GALNT13: variants seen among roughly 807,000 people sequenced by gnomAD.
GALNT13 encodes the protein polypeptide N-acetylgalactosaminyltransferase 13, also known as UDP-GalNAc:polypeptide N-acetylgalactosaminyltransferase 13.
Under a neutral mutation model 64.2 loss-of-function variants are expected in GALNT13, and 28 were observed. The ratio of observed to expected loss-of-function variants is 0.44; its 90% CI spans 0.32 to 0.60. GALNT13 has a LOEUF of 0.60. GALNT13 is among the 20% of genes least tolerant of loss of function. The pLI, the probability that GALNT13 is intolerant of heterozygous loss-of-function variation, is 0.05. For synonymous variants in GALNT13, 214 were observed against 224.6 expected (o/e 0.95, Z 0.42); for missense variants, 577 against 669.8 (o/e 0.86, Z 1.53).
At chr2:153,457,492 C>T in the GALNT13 span, among the ~76,000 whole-genome samples, 14 of 152,074 alleles carry the variant, frequency 9.2e-5, no homozygotes, top group Non-Finnish European at 2.1e-4. Flanking sequence ...CTTCCATCTC[C>T]TCTTTTAAAA....
chr2:153,612,034 A>T, the GALNT13 span, among the ~76,000 whole-genome samples: 1 of 151,940 alleles, frequency 6.6e-6, no homozygotes. Flanking sequence ...AAGGACATGA[A>T]CTCATCCTTT....
At chr2:153,183,516 T>G in the GALNT13 span, among the ~76,000 whole-genome samples, 1 of 152,246 alleles carries the variant, frequency 6.6e-6, no homozygotes, top group East Asian at 1.9e-4. Flanking sequence ...GCAATTGCTT[T>G]TGGGATTTTC....
intron 3 of GALNT13, among the ~76,000 whole-genome samples, chr2:154,119,575 T>G (rs530713937): frequency 6.6e-6 from 1 of 151,916 alleles, no homozygotes; most frequent in African/African-American, 2.4e-5. Context: ...CTTGTTCTAG[T>G]GAAGGTGTCT....
chr2:153,330,905 C>A, the GALNT13 span, among the ~76,000 whole-genome samples: 1 of 152,096 alleles, frequency 6.6e-6, no homozygotes, highest in Non-Finnish European at 1.5e-5. Flanking sequence ...ATGATGTTGG[C>A]TGTGGGTTTG....
the GALNT13 span, among the ~76,000 whole-genome samples, chr2:153,475,547 CAA>C: frequency 6.6e-6 from 1 of 152,222 alleles, no homozygotes; most frequent in Non-Finnish European, 1.5e-5. Context: ...GCTCCTCTCT[CAA>C]CTTTCAGGAC....
chr2:153,255,124 C>G, the GALNT13 span, among the ~76,000 whole-genome samples: 3 of 151,140 alleles, frequency 2.0e-5, no homozygotes, highest in African/African-American at 4.9e-5. Context: ...GTAGGTCACT[C>G]AGGACTTGCT....
intron 1 of GALNT13, among the ~76,000 whole-genome samples, chr2:153,900,676 A>G (rs1688176894): frequency 6.6e-6 from 1 of 152,158 alleles, no homozygotes; most frequent in South Asian, 2.1e-4. Flanking sequence ...TCTTGCATAT[A>G]ATATGAAGCT....
At chr2:153,509,034 T>A in the GALNT13 span, among the ~76,000 whole-genome samples, 2 of 152,190 alleles carry the variant, frequency 1.3e-5, no homozygotes, top group African/African-American at 4.8e-5. Flanking sequence ...TTGGGGAAAT[T>A]AAACCCTTCC....
chr2:153,411,971 G>A, the GALNT13 span, among the ~76,000 whole-genome samples: 1 of 152,110 alleles, frequency 6.6e-6, no homozygotes, highest in East Asian at 1.9e-4. Context: ...AATCTGCTCG[G>A]CACCATCTAA....
chr2:153,144,449 A>G, the GALNT13 span, among the ~76,000 whole-genome samples: 1 of 151,930 alleles, frequency 6.6e-6, no homozygotes, highest in South Asian at 2.1e-4. Flanking sequence ...TGGGCTCTAA[A>G]TAATGTGTCC....
the GALNT13 span, among the ~76,000 whole-genome samples, chr2:153,566,353 T>TTTTG: frequency 0.015 from 197 of 12,742 alleles, 1 homozygote; most frequent in Non-Finnish European, 0.039. Context: ...ATCACGTTTT[T>TTTTG]TTTTTTTTTT....
chr2:154,141,658 A>C (rs1392936912), intron 4 of GALNT13, among the ~76,000 whole-genome samples: 1 of 152,166 alleles, frequency 6.6e-6, no homozygotes, highest in African/African-American at 2.4e-5. Context: ...TTACTGCATA[A>C]AAAGGTCCAT....
chr2:154,190,515 C>T (rs781664089), intron 4 of GALNT13, among the ~76,000 whole-genome samples: 2 of 152,136 alleles, frequency 1.3e-5, no homozygotes, highest in Non-Finnish European at 2.9e-5. Flanking sequence ...AATTGACATT[C>T]GGTTTAAACA....
chr2:154,188,014 T>TTCTCTC (rs10635676), intron 4 of GALNT13, among the ~76,000 whole-genome samples: 4,865 of 144,372 alleles, frequency 0.034, 157 homozygotes, highest in African/African-American at 0.087. Context: ...GCATCAGGCA[T>TTCTCTC]TCTCTCTCTC....
At chr2:153,307,049 C>A in the GALNT13 span, among the ~76,000 whole-genome samples, 1 of 152,146 alleles carries the variant, frequency 6.6e-6, no homozygotes, top group African/African-American at 2.4e-5. Context: ...GCTTTTTTCG[C>A]TTAGAAAGTC....
At chr2:154,449,480 C>CA (rs35845747) in intron 12 of GALNT13, among the ~76,000 whole-genome samples, 18,809 of 123,714 alleles carry the variant, frequency 0.15, 1,382 homozygotes, top group African/African-American at 0.2. Flanking sequence ...TGGTAATTTG[C>CA]AAAAAAAAAA....
the GALNT13 span, among the ~76,000 whole-genome samples, chr2:153,116,342 A>G: frequency 7.9e-5 from 12 of 152,154 alleles, no homozygotes; most frequent in Non-Finnish European, 1.5e-4. Flanking sequence ...TTTTCTTTTA[A>G]TGAACGGACT....
intron 4 of GALNT13, among the ~76,000 whole-genome samples, chr2:154,141,439 A>C (rs1683253955): frequency 6.6e-6 from 1 of 152,022 alleles, no homozygotes; most frequent in African/African-American, 2.4e-5. Context: ...TTATATCCTT[A>C]TTCTATTAGT....
chr2:154,131,637 C>T (rs990481955), intron 3 of GALNT13, among the ~76,000 whole-genome samples: 2 of 152,128 alleles, frequency 1.3e-5, no homozygotes, highest in East Asian at 1.9e-4. Flanking sequence ...CCAGATTTTT[C>T]GTTAATACCT....
Sources: gnomAD v4.1 joint callset for allele counts (sites outside exome capture counted in the v4.1 genomes callset) on GRCh38, gnomAD v4.1.1 for gene constraint, MANE v1.5 for transcripts, NCBI Gene and HGNC (gene_info 2026-07-23, HGNC 2026-07-21) for gene names.